Variants in ATXN1 observed in about 807,000 individuals in gnomAD.
ATXN1 encodes ataxin-1.
In ATXN1, 8 loss-of-function variants were observed where a neutral mutation model predicts 56.4. The ratio of observed to expected loss-of-function variants is 0.14; its 90% CI spans 0.08 to 0.26. The LOEUF is 0.26. Among genes scored for constraint, ATXN1 ranks in the 10% least tolerant of loss-of-function variants. The pLI is 1.00. For synonymous variants in ATXN1, 514 were observed against 494.6 expected, an observed-to-expected ratio of 1.04 and a Z score of -0.52; for missense variants, 987 against 1,106.5, an observed-to-expected ratio of 0.89 and a Z score of 1.53.
intron 6 of ATXN1, among the ~76,000 whole-genome samples, chr6:16,404,299 A>G (rs12214500): frequency 0.072 from 10,975 of 152,316 alleles, 427 homozygotes; most frequent in Middle Eastern, 0.14. Flanking sequence ...AGGCAGGAAC[A>G]TAACAAAGGA....
intron 7 of ATXN1, among the ~76,000 whole-genome samples, chr6:16,309,359 G>C (rs1422453730): frequency 6.6e-6 from 1 of 151,936 alleles, no homozygotes; most frequent in Non-Finnish European, 1.5e-5. Context: ...AATAGACATG[G>C]ATTAAGAAAG....
chr6:16,650,642 G>A (rs938513462), intron 3 of ATXN1, among the ~76,000 whole-genome samples: 1 of 152,150 alleles, frequency 6.6e-6, no homozygotes, highest in Non-Finnish European at 1.5e-5. Context: ...AGGTTTCTCC[G>A]CATGCAGTGA....
intron 5 of ATXN1, among the ~76,000 whole-genome samples, chr6:16,486,979 C>T (rs1760560225): frequency 6.6e-6 from 1 of 151,932 alleles, no homozygotes; most frequent in Non-Finnish European, 1.5e-5. Flanking sequence ...TTTGCTGTTG[C>T]TTTTAATGAA....
At chr6:16,529,818 C>T (rs1273084016) in intron 4 of ATXN1, among the ~76,000 whole-genome samples, 2 of 152,112 alleles carry the variant, frequency 1.3e-5, no homozygotes, top group Admixed American at 6.5e-5. Context: ...TTTCACACTC[C>T]ATGGTAAATT....
chr6:16,474,534 C>A (rs1760286987), intron 6 of ATXN1, among the ~76,000 whole-genome samples: 1 of 152,228 alleles, frequency 6.6e-6, no homozygotes, highest in Non-Finnish European at 1.5e-5. Context: ...AGGTGACCCA[C>A]AATCATAAGA....
intron 2 of ATXN1, among the ~76,000 whole-genome samples, chr6:16,663,291 A>G (rs1758362599): frequency 6.6e-6 from 1 of 152,174 alleles, no homozygotes; most frequent in Non-Finnish European, 1.5e-5. Flanking sequence ...AATATAGGAA[A>G]AAATCAATTT....
chr6:16,397,611 T>C (rs924974549), intron 6 of ATXN1, among the ~76,000 whole-genome samples: 1 of 152,274 alleles, frequency 6.6e-6, no homozygotes, highest in South Asian at 2.1e-4. Context: ...TTAAGTGAAA[T>C]AGAACTAGGG....
At chr6:16,644,589 TAC>T (rs1390383475) in intron 3 of ATXN1, among the ~76,000 whole-genome samples, 1 of 150,520 alleles carries the variant, frequency 6.6e-6, no homozygotes, top group Non-Finnish European at 1.5e-5. Context: ...TGTGTGTGTA[TAC>T]ACACACACTA....
intron 2 of ATXN1, among the ~76,000 whole-genome samples, chr6:16,700,381 T>A (rs1277792454): frequency 1.3e-5 from 2 of 152,122 alleles, no homozygotes; most frequent in Admixed American, 1.3e-4. Context: ...TGCTGGTGCA[T>A]ATCTTGCTGT....
At chr6:16,575,064 A>G (rs899355168) in intron 4 of ATXN1, among the ~76,000 whole-genome samples, 3 of 152,124 alleles carry the variant, frequency 2.0e-5, no homozygotes, top group Non-Finnish European at 4.4e-5. Context: ...CGCCCTTCTC[A>G]GTGGGACACA....
intron 3 of ATXN1, among the ~76,000 whole-genome samples, chr6:16,622,713 A>G (rs1432383249): frequency 1.3e-5 from 2 of 152,162 alleles, no homozygotes; most frequent in Admixed American, 6.5e-5. Flanking sequence ...AGTAGTGTGT[A>G]TGTGATATTT....
At chr6:16,574,915 C>T (rs1762396124) in intron 4 of ATXN1, among the ~76,000 whole-genome samples, 1 of 151,574 alleles carries the variant, frequency 6.6e-6, no homozygotes, top group Non-Finnish European at 1.5e-5. Context: ...TTCCTGAATC[C>T]TTCCTTATCC....
intron 2 of ATXN1, among the ~76,000 whole-genome samples, chr6:16,721,869 G>A (rs1449516939): frequency 6.6e-6 from 1 of 152,112 alleles, no homozygotes; most frequent in Non-Finnish European, 1.5e-5. Context: ...CAGAATTCTT[G>A]GAGGATCTGA....
chr6:16,741,709 C>T (rs537508220), intron 2 of ATXN1, among the ~76,000 whole-genome samples: 8 of 152,330 alleles, frequency 5.3e-5, no homozygotes, highest in African/African-American at 1.7e-4. Flanking sequence ...TCATATACTA[C>T]TGGTGAGACC....
chr6:16,661,710 T>C (rs1758324115), intron 2 of ATXN1, among the ~76,000 whole-genome samples: 1 of 152,208 alleles, frequency 6.6e-6, no homozygotes, highest in African/African-American at 2.4e-5. Context: ...CATCCTCTTC[T>C]GGGTTACTCA....
chr6:16,656,504 A>G (rs894486895), intron 3 of ATXN1, among the ~76,000 whole-genome samples: 1 of 152,194 alleles, frequency 6.6e-6, no homozygotes, highest in Admixed American at 6.5e-5. Context: ...TGATAAAAAA[A>G]AAATTCCTGG....
At chr6:16,613,630 C>A (rs1343507619) in intron 3 of ATXN1, among the ~76,000 whole-genome samples, 1 of 151,646 alleles carries the variant, frequency 6.6e-6, no homozygotes, top group Non-Finnish European at 1.5e-5. Context: ...TGAGACCAGC[C>A]TGAGCAATAT....
At chr6:16,359,303 G>A (rs184993041) in intron 6 of ATXN1, among the ~76,000 whole-genome samples, 173 of 152,214 alleles carry the variant, frequency 1.1e-3, no homozygotes, top group African/African-American at 3.7e-3. Context: ...TGCCTCTTCC[G>A]TCCACCCATG....
intron 7 of ATXN1, among the ~76,000 whole-genome samples, chr6:16,325,614 C>G (rs1561850882): frequency 6.6e-6 from 1 of 152,056 alleles, no homozygotes; most frequent in African/African-American, 2.4e-5. Flanking sequence ...CTGGGGCTTC[C>G]CCAGGTGCCC....
Sources: allele counts gnomAD v4.1 joint callset (sites outside exome capture counted in the v4.1 genomes callset), GRCh38; gene constraint gnomAD v4.1.1; transcripts MANE v1.5; gene names NCBI Gene and HGNC (gene_info 2026-07-23, HGNC 2026-07-21).